The following LARGE1 variants were observed in gnomAD, a reference collection of about 807,000 sequenced individuals.
LARGE1 encodes the protein LARGE xylosyl- and glucuronyltransferase 1.
Under a neutral mutation model 87.6 loss-of-function variants are expected in LARGE1, and 43 were observed. The observed-to-expected ratio is 0.49, with a 90% CI of 0.38 to 0.63. The LOEUF (loss-of-function observed/expected upper bound fraction) is 0.63. Among genes scored for constraint, LARGE1 ranks in the 30% least tolerant of loss-of-function variants. LARGE1 has a pLI of 0.00. For missense variants in LARGE1, 802 were observed against 1,000.2 expected (o/e 0.80, Z 2.67); for synonymous variants, 434 against 394.6 (o/e 1.10, Z -1.18).
intron 1 of LARGE1, among the ~76,000 whole-genome samples, chr22:33,868,113 C>A (rs755984985): frequency 1.3e-5 from 2 of 152,194 alleles, no homozygotes; most frequent in African/African-American, 2.4e-5. Context: ...TGCAAGAATT[C>A]ATACCAGCAA....
chr22:33,718,480 G>A (rs2082977830), intron 2 of LARGE1, among the ~76,000 whole-genome samples: 2 of 152,230 alleles, frequency 1.3e-5, no homozygotes, highest in Admixed American at 6.5e-5. Flanking sequence ...TGTGCTGAAT[G>A]GACTCTCAGA....
intron 2 of LARGE1, chr22:33,723,734 C>A (rs2083179713): frequency 6.6e-6 from 1 of 152,020 alleles, no homozygotes; most frequent in Admixed American, 6.5e-5. Context: ...TTTTTTCCCC[C>A]TCTACCCATG....
intron 6 of LARGE1, among the ~76,000 whole-genome samples, chr22:33,523,067 C>T (rs751809893): frequency 4.6e-5 from 7 of 151,960 alleles, no homozygotes; most frequent in African/African-American, 9.7e-5. Flanking sequence ...TTCAATGGCG[C>T]GATCTCGGCT....
At chr22:33,794,817 A>C (rs2085930950) in intron 1 of LARGE1, among the ~76,000 whole-genome samples, 1 of 152,084 alleles carries the variant, frequency 6.6e-6, no homozygotes. Context: ...ATAGGGTTTC[A>C]CTATATTGGC....
chr22:33,196,615 G>A (rs1290681857), intron 11 of LARGE1, among the ~76,000 whole-genome samples: 2 of 148,648 alleles, frequency 1.3e-5, no homozygotes, highest in African/African-American at 4.9e-5. Flanking sequence ...CGCAAAATAG[G>A]GAAGAGGGAA....
In LARGE1 at chr22:33,647,948, G is replaced by A. The variant is rs544120767; in HGVS notation, c.408+2419C>T. The stretch of plus-strand genomic sequence containing the variant: ...GATTTTTGCTATTTTTAGTAGAGAC[G>A]GGGTTTCACCATGTTGGCCGGGATG... On this transcript the variant is annotated intron_variant, in intron 3 of 14. Coordinates refer to ENST00000397394, the MANE Select transcript of LARGE1 (RefSeq NM_133642.5). Among the ~76,000 whole-genome samples the A allele has an allele frequency of 1.6e-4, 24 of 152,148 alleles. No individual in the cohort carries two copies. In the South Asian group the frequency reaches 2.9e-3, roughly 18 times the overall value.
At chr22:33,725,341 A>G (rs2083238731) in intron 2 of LARGE1, among the ~76,000 whole-genome samples, 1 of 152,208 alleles carries the variant, frequency 6.6e-6, no homozygotes, top group African/African-American at 2.4e-5. Context: ...CTCGGCCGGT[A>G]TTCTGAATGC....
chr22:33,474,971 T>A (rs776541578), intron 6 of LARGE1, among the ~76,000 whole-genome samples: 2 of 152,144 alleles, frequency 1.3e-5, no homozygotes, highest in South Asian at 4.2e-4. Context: ...CTGACAGTAA[T>A]ATCAGAAGAT....
At chr22:33,508,718 A>G (rs2070886958) in intron 6 of LARGE1, among the ~76,000 whole-genome samples, 1 of 152,190 alleles carries the variant, frequency 6.6e-6, no homozygotes, top group Admixed American at 6.5e-5. Flanking sequence ...CCCCAACAGA[A>G]CAATCTCATC....
intron 2 of LARGE1, chr22:33,705,007 C>T (rs56113849): frequency 0.046 from 6,997 of 152,402 alleles, 245 homozygotes; most frequent in Non-Finnish European, 0.067. Context: ...AGACATTTCA[C>T]GGCTGTAAAA....
At chr22:33,525,224 T>G (rs995473159) in intron 6 of LARGE1, among the ~76,000 whole-genome samples, 2 of 152,112 alleles carry the variant, frequency 1.3e-5, no homozygotes, top group African/African-American at 4.8e-5. Flanking sequence ...GACAGTAATA[T>G]GCTCAGCTTA....
intron 10 of LARGE1, among the ~76,000 whole-genome samples, chr22:33,336,663 T>C (rs1332812046): frequency 6.6e-6 from 1 of 152,206 alleles, no homozygotes; most frequent in East Asian, 1.9e-4. Context: ...GCCTCTTCTC[T>C]ATATCCTAAG....
At chr22:33,525,692 C>G (rs2071855769) in intron 6 of LARGE1, among the ~76,000 whole-genome samples, 1 of 152,072 alleles carries the variant, frequency 6.6e-6, no homozygotes, top group African/African-American at 2.4e-5. Flanking sequence ...AATGAGTGCT[C>G]AGAGAGGCTA....
intron 6 of LARGE1, among the ~76,000 whole-genome samples, chr22:33,514,108 G>A (rs1301820823): frequency 6.6e-6 from 1 of 152,124 alleles, no homozygotes; most frequent in Non-Finnish European, 1.5e-5. Context: ...ACTCAGTGAT[G>A]TTTGCACAAT....
intron 6 of LARGE1, among the ~76,000 whole-genome samples, chr22:33,474,574 C>T (rs183821175): frequency 0.013 from 2,009 of 152,302 alleles, 18 homozygotes; most frequent in Non-Finnish European, 0.021. Flanking sequence ...ATTGACACTG[C>T]CTGCCTTCCA....
At chr22:33,626,397 A>G (rs2079923506) in intron 3 of LARGE1, 71 bp from the exon 4 acceptor site, 25 of 1,203,814 alleles carry the variant, frequency 2.1e-5, no homozygotes, top group Non-Finnish European at 2.8e-5. Flanking sequence ...TTCAGATCAC[A>G]CTAGAAAGAA....
At chr22:33,392,645 C>A (rs541385672) in intron 7 of LARGE1, among the ~76,000 whole-genome samples, 2 of 151,874 alleles carry the variant, frequency 1.3e-5, no homozygotes, top group Non-Finnish European at 2.9e-5. Flanking sequence ...GGCAACACAG[C>A]GAGACTCTGT....
intron 6 of LARGE1, among the ~76,000 whole-genome samples, chr22:33,505,423 T>C (rs1311953468): frequency 6.6e-6 from 1 of 152,184 alleles, no homozygotes; most frequent in Non-Finnish European, 1.5e-5. Flanking sequence ...GCCCAGCTCA[T>C]GTGTCATCCC....
chr22:33,918,360 G>A (rs1264078613), intron 1 of LARGE1, among the ~76,000 whole-genome samples: 4 of 152,140 alleles, frequency 2.6e-5, no homozygotes, highest in African/African-American at 9.7e-5. Flanking sequence ...AGGGGGATTT[G>A]ATTCCTTTCC....
Sources: gnomAD v4.1 joint callset for allele counts (sites outside exome capture counted in the v4.1 genomes callset) on GRCh38, gnomAD v4.1.1 for gene constraint, MANE v1.5 for transcripts, NCBI Gene and HGNC (gene_info 2026-07-23, HGNC 2026-07-21) for gene names.